Variants in THSD7A observed in about 807,000 individuals in gnomAD.
The protein encoded by THSD7A is thrombospondin type 1 domain containing 7A, also known as thrombospondin type-1 domain-containing protein 7A.
In THSD7A, 96 loss-of-function variants were observed where a neutral mutation model predicts 231.3. The ratio of observed to expected loss-of-function variants is 0.41; its 90% CI spans 0.35 to 0.49. The LOEUF is 0.49. Ranked by LOEUF, THSD7A falls within the 20% of genes least tolerant of loss-of-function variation. The pLI is 0.05. For missense variants in THSD7A, 2,290 were observed against 2,070.2 expected (o/e 1.11, Z -2.06); for synonymous variants, 940 against 743.3 (o/e 1.26, Z -4.30).
At chr7:11,540,488 G>A (rs1541396) in intron 6 of THSD7A, among the ~76,000 whole-genome samples, 130,352 of 152,212 alleles carry the variant, frequency 0.86, 56,308 homozygotes, top group African/African-American at 0.97. Flanking sequence ...GGGCACCAGG[G>A]TGTTTCTGCA....
chr7:11,476,377 T>G (rs1379016530), intron 7 of THSD7A, among the ~76,000 whole-genome samples: 1 of 150,982 alleles, frequency 6.6e-6, no homozygotes, highest in Non-Finnish European at 1.5e-5. Flanking sequence ...TTTTTAAGTG[T>G]AAAGAACTAA....
At chr7:11,694,414 A>G (rs1780326596) in intron 1 of THSD7A, among the ~76,000 whole-genome samples, 1 of 151,552 alleles carries the variant, frequency 6.6e-6, no homozygotes, top group African/African-American at 2.4e-5. Flanking sequence ...GTTACATGTC[A>G]GCCACTAAAA....
chr7:11,604,042 C>CAA lies in THSD7A; in HGVS notation c.1023-10542_1023-10541dup, dbSNP rs201904744. Among the ~76,000 whole-genome samples the CAA allele has an allele frequency of 5.0e-4, 71 of 142,716 alleles. 1 individual carries two copies. Among genetic ancestry groups the CAA allele is most frequent in the African/African-American group, 1.7e-3 (66 of 38,858 alleles). The allele number at this position is 142,716 out of a possible 152,430, so 93.6% of individuals were successfully genotyped here. A position where few individuals can be genotyped will look rare whatever the true frequency, so the allele number is the denominator to read the frequency against. ...TTAAAGTATAATAAAAAAAAAATGC[C>CAA]AAAAAAAAAAGATTCTCAAGATGAT... On this transcript the variant is annotated intron_variant, in intron 2 of 27. Coordinates refer to ENST00000423059, the MANE Select transcript of THSD7A (RefSeq NM_015204.3).
chr7:11,628,889 G>T (rs1172131017), intron 2 of THSD7A, among the ~76,000 whole-genome samples: 1 of 152,178 alleles, frequency 6.6e-6, no homozygotes, highest in Non-Finnish European at 1.5e-5. Context: ...GGTTAATTCA[G>T]AAAAGTTCGT....
chr7:11,743,054 A>C (rs572802664), intron 1 of THSD7A, among the ~76,000 whole-genome samples: 7 of 152,072 alleles, frequency 4.6e-5, no homozygotes, highest in African/African-American at 1.7e-4. Flanking sequence ...AGATTAAGGA[A>C]TCTTATAATT....
At chr7:11,652,285 C>G (rs893327701) in intron 1 of THSD7A, among the ~76,000 whole-genome samples, 1 of 151,728 alleles carries the variant, frequency 6.6e-6, no homozygotes, top group Non-Finnish European at 1.5e-5. Context: ...CTTTCTGGCA[C>G]GGGAGCAGGA....
intron 1 of THSD7A, among the ~76,000 whole-genome samples, chr7:11,671,265 C>G (rs1405318): frequency 0.12 from 18,806 of 152,136 alleles, 1,253 homozygotes; most frequent in Admixed American, 0.16. Context: ...TCTGGTTGTG[C>G]CTCTGGCTCT....
chr7:11,468,491 C>A lies in THSD7A; in HGVS notation c.2368+1388G>T, dbSNP rs142411716. On this transcript the variant is annotated intron_variant, in intron 9 of 27. Coordinates refer to ENST00000423059, the MANE Select transcript of THSD7A (RefSeq NM_015204.3). ...ATTAACATGTTTATAAAAGTTAATG[C>A]TTATAACTCCTTTTAATTTGCCAAA... 7.2e-5 allele frequency among the ~76,000 whole-genome samples: 11 copies of A among 151,970 alleles called. No homozygotes were observed. In the East Asian group the frequency reaches 2.1e-3, roughly 29 times the overall value.
chr7:11,799,023 A>G (rs1224001886), intron 1 of THSD7A, among the ~76,000 whole-genome samples: 1 of 151,970 alleles, frequency 6.6e-6, no homozygotes, highest in African/African-American at 2.4e-5. Context: ...CCCGGGTTCA[A>G]GTGATTCTCC....
intron 7 of THSD7A, among the ~76,000 whole-genome samples, chr7:11,480,047 T>C (rs148011595): frequency 1.0e-3 from 154 of 152,282 alleles, no homozygotes; most frequent in African/African-American, 3.5e-3. Context: ...TATACAATTA[T>C]TACACGTCAA....
intron 13 of THSD7A, among the ~76,000 whole-genome samples, chr7:11,437,825 A>G (rs1784681790): frequency 6.6e-6 from 1 of 152,098 alleles, no homozygotes; most frequent in Non-Finnish European, 1.5e-5. Context: ...TCCTATTACA[A>G]AAAGTAATAC....
chr7:11,798,319 A>G (rs984024762), intron 1 of THSD7A, among the ~76,000 whole-genome samples: 1 of 152,044 alleles, frequency 6.6e-6, no homozygotes, highest in Non-Finnish European at 1.5e-5. Context: ...AAAATACAAA[A>G]AAATACCCAG....
chr7:11,401,703 C>T, intron 23 of THSD7A, 92 bp downstream of exon 23: 1 of 1,236,512 alleles, frequency 8.1e-7, no homozygotes, highest in Non-Finnish European at 1.1e-6. Flanking sequence ...TGAGCCACCG[C>T]ACGTGGCCAA....
intron 7 of THSD7A, among the ~76,000 whole-genome samples, chr7:11,480,668 TTCTG>T (rs1164003026): frequency 2.0e-5 from 3 of 152,196 alleles, no homozygotes; most frequent in African/African-American, 7.2e-5. Context: ...AGGTTGGCTT[TTCTG>T]TGTGTAAAAT....
At chr7:11,635,999 A>C (rs952016937) in intron 2 of THSD7A, 131 bp downstream of exon 2, 1 of 782,778 alleles carries the variant, frequency 1.3e-6, no homozygotes, top group African/African-American at 1.7e-5. Context: ...CAGAAGCCTT[A>C]AATTTGGGGG....
At chr7:11,749,090 C>T (rs148148420) in intron 1 of THSD7A, among the ~76,000 whole-genome samples, 3 of 152,054 alleles carry the variant, frequency 2.0e-5, no homozygotes, top group East Asian at 3.9e-4. Context: ...CACCAGGTGG[C>T]GATTTGTGGT....
chr7:11,631,191 G>A (rs754613238), intron 2 of THSD7A, among the ~76,000 whole-genome samples: 9 of 152,110 alleles, frequency 5.9e-5, no homozygotes, highest in Non-Finnish European at 1.3e-4. Context: ...GGGTGCTTTA[G>A]AGGAGTCTCT....
At chr7:11,559,822 C>T (rs1374294515) in intron 4 of THSD7A, among the ~76,000 whole-genome samples, 1 of 152,128 alleles carries the variant, frequency 6.6e-6, no homozygotes, top group Non-Finnish European at 1.5e-5. Context: ...AGACATAAAG[C>T]AGCTAAAACA....
chr7:11,401,599 T>A (rs1165212660), intron 23 of THSD7A, among the ~76,000 whole-genome samples, 196 bp downstream of exon 23: 1 of 151,974 alleles, frequency 6.6e-6, no homozygotes, highest in Non-Finnish European at 1.5e-5. Flanking sequence ...TTGGTAGAGT[T>A]TGGGTTTGGC....
Sources: gnomAD v4.1 joint callset for allele counts (sites outside exome capture counted in the v4.1 genomes callset) on GRCh38, gnomAD v4.1.1 for gene constraint, MANE v1.5 for transcripts, NCBI Gene and HGNC (gene_info 2026-07-23, HGNC 2026-07-21) for gene names.